PAH: variants seen among roughly 807,000 people sequenced by gnomAD.
PAH encodes phenylalanine hydroxylase.
A neutral mutation model predicts 62.0 loss-of-function variants in PAH; 64 were observed. The observed-to-expected ratio is 1.03, with a 90% CI of 0.84 to 1.27. The LOEUF (loss-of-function observed/expected upper bound fraction) is 1.27, where lower values mean the gene tolerates loss of function less well. PAH is among the 50% of genes most tolerant of loss of function. The pLI is 0.00. For missense variants in PAH, 579 were observed against 542.8 expected (o/e 1.07, Z -0.66); for synonymous variants, 195 against 196.2 (o/e 0.99, Z 0.05).
chr12:102,930,825 T>C (rs1262058762), intron 1 of PAH, among the ~76,000 whole-genome samples: 1 of 152,242 alleles, frequency 6.6e-6, no homozygotes, highest in African/African-American at 2.4e-5. Context: ...GTGAAATCAA[T>C]GTATGAGAAT....
chr12:102,956,859 T>C (rs1166122714), intron 1 of PAH, among the ~76,000 whole-genome samples: 1 of 151,918 alleles, frequency 6.6e-6, no homozygotes, highest in Non-Finnish European at 1.5e-5. Context: ...ACACACTTGC[T>C]CAGTTATGGG....
In PAH at chr12:102,957,870, A is replaced by T. The variant is rs1244138383; in HGVS notation, c.-96+325T>A. 5.5e-6 allele frequency: 1 copy of T among 180,662 alleles called. No homozygotes were observed. Among genetic ancestry groups the T allele is most frequent in the East Asian group, 1.4e-4 (1 of 7,028 alleles). 11.2% of individuals were successfully genotyped at this position (180,662 alleles called of 1,614,324 possible). ...GTAGGAGAGGAACGCGAGACGCGGC[A>T]GAGCGCGTTCAGCACTGACTTTTGC... On this transcript the variant is annotated intron_variant, in intron 1 of 4. Coordinates refer to the PAH transcript ENST00000551337. This position sits in a 1 kb window ranked among gnomAD's most constrained non-coding sequence, Gnocchi z 4.1.
At chr12:102,946,079 C>G (rs1879482660) in intron 1 of PAH, 1 of 152,226 alleles carries the variant, frequency 6.6e-6, no homozygotes, top group Admixed American at 6.5e-5. Flanking sequence ...GAATAGGGAC[C>G]TCAGGACTCT....
chr12:102,863,869 A>T (rs1466562564), intron 5 of PAH, among the ~76,000 whole-genome samples: 2 of 152,138 alleles, frequency 1.3e-5, no homozygotes, highest in Non-Finnish European at 2.9e-5. Context: ...CTATTCCTAG[A>T]TAAAACTTAA....
chr12:102,861,849 G>A (rs4764717), intron 5 of PAH, among the ~76,000 whole-genome samples: 1 of 151,744 alleles, frequency 6.6e-6, no homozygotes, highest in Non-Finnish European at 1.5e-5. Context: ...GGAAGGGGGA[G>A]GGATAGCATT....
At chr12:102,889,537 T>C (rs28673013) in intron 3 of PAH, among the ~76,000 whole-genome samples, 2,271 of 77,048 alleles carry the variant, frequency 0.029, 30 homozygotes, top group African/African-American at 0.067. Context: ...GATAGACGGA[T>C]AGATAGATAG....
chr12:102,897,127 A>G (rs1047590927), intron 2 of PAH, among the ~76,000 whole-genome samples: 2 of 152,232 alleles, frequency 1.3e-5, no homozygotes, highest in Non-Finnish European at 2.9e-5. Context: ...ATCAGAAACT[A>G]CCCTTTAAAG....
At position 102,873,689 on chromosome 12, in the gene PAH, A is replaced by G. The variant is rs556005694; in HGVS notation, c.441+3773T>C. On this transcript the variant is annotated intron_variant, in intron 4 of 12. Coordinates refer to ENST00000553106, the MANE Select transcript of PAH (RefSeq NM_000277.3). ...TTGAGTTATTATTATATAATTATAT[A>G]CTAGTTATTATCCCAACTGTATTCC... 5.3e-5 allele frequency among the ~76,000 whole-genome samples: 8 copies of G among 152,288 alleles called. No individual in the cohort carries two copies. In the East Asian group the frequency reaches 1.5e-3, roughly 29 times the overall value.
chr12:102,907,088 A>G (rs186853848), intron 2 of PAH, among the ~76,000 whole-genome samples: 3 of 152,368 alleles, frequency 2.0e-5, no homozygotes, highest in East Asian at 1.9e-4. Context: ...TGAAACTGCA[A>G]TGACACAGGA....
At chr12:102,841,391 G>A (rs1874589649) in intron 11 of PAH, among the ~76,000 whole-genome samples, 1 of 152,110 alleles carries the variant, frequency 6.6e-6, no homozygotes, top group Non-Finnish European at 1.5e-5. Context: ...AGACAGTAGG[G>A]ACCTCCAAGT....
chr12:102,950,695 T>C (rs1210568343), exon 1 of PAH: 1 of 152,252 alleles, frequency 6.6e-6, no homozygotes, highest in Non-Finnish European at 1.5e-5. Flanking sequence ...GGTAGTCTCC[T>C]AGCCCTGTTG....
chr12:102,954,391 C>T (rs1879853530), upstream of PAH, among the ~76,000 whole-genome samples: 1 of 152,194 alleles, frequency 6.6e-6, no homozygotes, highest in African/African-American at 2.4e-5. Flanking sequence ...GCTCCTCCTG[C>T]CACACACCCT....
At chr12:102,956,399 G>T (rs940221652) in intron 1 of PAH, among the ~76,000 whole-genome samples, 15 of 152,210 alleles carry the variant, frequency 9.9e-5, no homozygotes, top group African/African-American at 3.1e-4. Flanking sequence ...GGACGCCTGG[G>T]CAGGCGCTGT....
intron 5 of PAH, among the ~76,000 whole-genome samples, chr12:102,860,496 T>C (rs1007518021): frequency 1.3e-4 from 12 of 88,990 alleles, no homozygotes; most frequent in Non-Finnish European, 2.2e-4. Flanking sequence ...TTAAAGTTCA[T>C]ATGGAACCAA....
intron 1 of PAH, among the ~76,000 whole-genome samples, chr12:102,925,252 T>C (rs1878655284): frequency 6.6e-6 from 1 of 152,158 alleles, no homozygotes; most frequent in African/African-American, 2.4e-5. Context: ...CAGGATGGAA[T>C]GCAGATATGC....
Position 102,851,236 on chromosome 12 carries a change from T to G in PAH, c.912+451A>C, listed in dbSNP as rs11831257. Among the ~76,000 whole-genome samples, 1,013 of 152,300 alleles carry G rather than the reference T, an allele frequency of 6.7e-3. 12 individuals carry two copies. Among genetic ancestry groups the G allele is most frequent in the African/African-American group, 0.023 (966 of 41,552 alleles). The stretch of plus-strand genomic sequence containing the variant: ...TCAGCTCATTTTTTTCTTTGTTAAC[T>G]CTAAGTCAGGGTATCAGCATTGGAT... On this transcript the variant is annotated intron_variant, in intron 8 of 12. Transcript: ENST00000553106.
At chr12:102,891,955 C>T (rs755452242) in intron 3 of PAH, among the ~76,000 whole-genome samples, 67 of 152,200 alleles carry the variant, frequency 4.4e-4, no homozygotes, top group Non-Finnish European at 7.9e-4. Context: ...TCCAAAGGGT[C>T]TGCAGCTCCT....
intron 1 of PAH, among the ~76,000 whole-genome samples, chr12:102,936,836 A>G (rs780856877): frequency 6.6e-6 from 1 of 152,118 alleles, no homozygotes; most frequent in African/African-American, 2.4e-5. Flanking sequence ...CCATTTAGAC[A>G]GCCTATGTCT....
intron 3 of PAH, among the ~76,000 whole-genome samples, chr12:102,883,375 G>C (rs890826640): frequency 3.3e-5 from 5 of 152,180 alleles, no homozygotes; most frequent in African/African-American, 1.2e-4. Flanking sequence ...GTGCAGGCTG[G>C]CTGGCGCTCA....
Sources: allele counts gnomAD v4.1 joint callset (sites outside exome capture counted in the v4.1 genomes callset), GRCh38; gene constraint gnomAD v4.1.1; non-coding constraint Gnocchi (gnomAD v3.1); transcripts MANE v1.5; gene names NCBI Gene and HGNC (gene_info 2026-07-23, HGNC 2026-07-21).